KCNMB2: variants seen among roughly 807,000 people sequenced by gnomAD.
KCNMB2 encodes the protein calcium-activated potassium channel subunit beta-2.
KCNMB2 carries 9 observed loss-of-function variants against 24.5 expected under a neutral mutation model. The observed-to-expected ratio is 0.37, with a 90% CI of 0.22 to 0.64. The LOEUF (loss-of-function observed/expected upper bound fraction) is 0.64, where lower values mean the gene tolerates loss of function less well. KCNMB2 is among the 30% of genes least tolerant of loss of function. KCNMB2 has a pLI of 0.63. For synonymous variants in KCNMB2, 109 were observed against 104.4 expected (o/e 1.04, Z -0.27); for missense variants, 226 against 284.3 (o/e 0.79, Z 1.47).
intron 1 of KCNMB2, among the ~76,000 whole-genome samples, chr3:178,635,168 G>T (rs901576060): frequency 6.6e-6 from 1 of 152,100 alleles, no homozygotes; most frequent in Non-Finnish European, 1.5e-5. Flanking sequence ...AGATTTTATT[G>T]CACTCAACAG....
chr3:178,679,837 C>G (rs909774771), intron 1 of KCNMB2, among the ~76,000 whole-genome samples: 3 of 152,054 alleles, frequency 2.0e-5, no homozygotes, highest in African/African-American at 7.2e-5. Context: ...TCCAGAGTGC[C>G]TATCATTTGA....
chr3:178,684,681 GT>G (rs1721397946), intron 1 of KCNMB2, among the ~76,000 whole-genome samples: 1 of 151,890 alleles, frequency 6.6e-6, no homozygotes, highest in African/African-American at 2.4e-5. Flanking sequence ...TACAAAAAAA[GT>G]TAGCTGGGTG....
At chr3:178,575,301 TG>T (rs536448510) in intron 1 of KCNMB2, among the ~76,000 whole-genome samples, 98 of 152,262 alleles carry the variant, frequency 6.4e-4, no homozygotes, top group Admixed American at 1.6e-3. Flanking sequence ...AGTTGGGTTC[TG>T]GGGTAGGGGG....
chr3:178,786,199 AC>A (rs1713092134), intron 1 of KCNMB2, among the ~76,000 whole-genome samples: 1 of 152,182 alleles, frequency 6.6e-6, no homozygotes, highest in African/African-American at 2.4e-5. Context: ...AGAATTTTAC[AC>A]ATATTATGAG....
intron 1 of KCNMB2, among the ~76,000 whole-genome samples, chr3:178,719,733 TAACA>T (rs531050969): frequency 6.0e-4 from 92 of 152,284 alleles, no homozygotes; most frequent in African/African-American, 2.0e-3. Context: ...CTTTAAAAAA[TAACA>T]TACAGTAAAA....
At chr3:178,799,526 A>T (rs770106320) in intron 1 of KCNMB2, among the ~76,000 whole-genome samples, 1 of 152,214 alleles carries the variant, frequency 6.6e-6, no homozygotes, top group South Asian at 2.1e-4. Context: ...AAAAAATTGA[A>T]GAGTTCACAA....
intron 4 of KCNMB2, among the ~76,000 whole-genome samples, chr3:178,833,262 A>G (rs1409343874): frequency 6.6e-6 from 1 of 152,150 alleles, no homozygotes; most frequent in Non-Finnish European, 1.5e-5. Flanking sequence ...GCCCACAATC[A>G]TAATTCCTGC....
intron 1 of KCNMB2, among the ~76,000 whole-genome samples, chr3:178,782,618 GC>G (rs1712906750): frequency 6.8e-6 from 1 of 146,580 alleles, no homozygotes; most frequent in African/African-American, 2.5e-5. Context: ...CATGTCCTTT[GC>G]CCACTTTTTG....
intron 1 of KCNMB2, among the ~76,000 whole-genome samples, chr3:178,577,500 A>C (rs1416977538): frequency 1.3e-5 from 2 of 152,210 alleles, no homozygotes; most frequent in Non-Finnish European, 2.9e-5. Flanking sequence ...CAAGGGAACA[A>C]AAGTGGACAG....
At chr3:178,753,568 C>T (rs1723920293) in intron 1 of KCNMB2, among the ~76,000 whole-genome samples, 1 of 151,832 alleles carries the variant, frequency 6.6e-6, no homozygotes, top group Non-Finnish European at 1.5e-5. Context: ...TTTAAAATGG[C>T]CAAGGGAGTT....
At chr3:178,708,770 C>T (rs1469927360) in intron 1 of KCNMB2, among the ~76,000 whole-genome samples, 1 of 152,072 alleles carries the variant, frequency 6.6e-6, no homozygotes, top group Admixed American at 6.6e-5. Flanking sequence ...GATATTGAAG[C>T]TTAGTAAGAG....
chr3:178,613,082 A>G (rs1718552459), intron 1 of KCNMB2, among the ~76,000 whole-genome samples: 1 of 152,182 alleles, frequency 6.6e-6, no homozygotes, highest in Admixed American at 6.5e-5. Flanking sequence ...TATTATTTCT[A>G]ATTATATCTC....
intron 1 of KCNMB2, among the ~76,000 whole-genome samples, chr3:178,567,176 G>C (rs1029033865): frequency 2.0e-4 from 30 of 152,286 alleles, no homozygotes; most frequent in African/African-American, 7.2e-4. Context: ...ATCAATGGAA[G>C]TAATCTGAGT....
chr3:178,600,340 T>C (rs1718034004), intron 1 of KCNMB2, among the ~76,000 whole-genome samples: 1 of 152,224 alleles, frequency 6.6e-6, no homozygotes, highest in Non-Finnish European at 1.5e-5. Flanking sequence ...GTTGCTTTCA[T>C]GTCTTGGCTA....
At chr3:178,726,027 A>G (rs1722957097) in intron 1 of KCNMB2, among the ~76,000 whole-genome samples, 2 of 151,428 alleles carry the variant, frequency 1.3e-5, no homozygotes. Context: ...ACTTTTTTGG[A>G]TAATTTAAAT....
intron 1 of KCNMB2, among the ~76,000 whole-genome samples, chr3:178,737,397 AC>A (rs1245071263): frequency 1.3e-5 from 2 of 152,194 alleles, no homozygotes; most frequent in Non-Finnish European, 2.9e-5. Context: ...TTTGTTTTTT[AC>A]TTTTTAACAA....
chr3:178,776,632 G>C (rs923987016), intron 1 of KCNMB2, among the ~76,000 whole-genome samples: 1 of 152,088 alleles, frequency 6.6e-6, no homozygotes, highest in Non-Finnish European at 1.5e-5. Context: ...AAGGCAGGTG[G>C]GGAATTTCAG....
At chr3:178,586,214 A>G (rs1027889328) in intron 1 of KCNMB2, among the ~76,000 whole-genome samples, 5 of 152,170 alleles carry the variant, frequency 3.3e-5, no homozygotes, top group African/African-American at 9.6e-5. Context: ...GAATTCTAAG[A>G]TTCCTTCCAT....
At chr3:178,616,503 C>G (rs1268582861) in intron 1 of KCNMB2, among the ~76,000 whole-genome samples, 1 of 152,290 alleles carries the variant, frequency 6.6e-6, no homozygotes, top group Admixed American at 6.5e-5. Flanking sequence ...CCCCCAGCAT[C>G]CAGAGACACT....
Sources: gnomAD v4.1 joint callset for allele counts (sites outside exome capture counted in the v4.1 genomes callset) on GRCh38, gnomAD v4.1.1 for gene constraint, MANE v1.5 for transcripts, NCBI Gene and HGNC (gene_info 2026-07-23, HGNC 2026-07-21) for gene names.